The following KPNA4 variants were observed in gnomAD, a reference collection of about 807,000 sequenced individuals.
KPNA4 encodes the protein karyopherin subunit alpha 4.
In KPNA4, 13 loss-of-function variants were observed where a neutral mutation model predicts 71.3. The observed-to-expected ratio is 0.18, with a 90% confidence interval of 0.12 to 0.29. The LOEUF (loss-of-function observed/expected upper bound fraction) is 0.29. KPNA4 is among the 10% of genes least tolerant of loss of function. The probability of loss-of-function intolerance (pLI) is 1.00; values close to 1 mark genes in which losing one functional copy is unlikely to be tolerated. For missense variants in KPNA4, 334 were observed against 603.2 expected, an observed-to-expected ratio of 0.55 and a Z score of 4.67; for synonymous variants, 189 against 195.2, an observed-to-expected ratio of 0.97 and a Z score of 0.26.
At chr3:160,516,802 C>G (rs964021351) in intron 11 of KPNA4, among the ~76,000 whole-genome samples, 2 of 151,922 alleles carry the variant, frequency 1.3e-5, no homozygotes, top group Admixed American at 1.3e-4. Flanking sequence ...TAGTGCCTTT[C>G]TGAAGGAAAG....
intron 11 of KPNA4, among the ~76,000 whole-genome samples, chr3:160,517,334 A>G (rs1721250781): frequency 6.6e-6 from 1 of 152,098 alleles, no homozygotes. Flanking sequence ...TCACTGTGTG[A>G]ATGTATCATA....
At position 160,499,914 on chromosome 3, in the gene KPNA4, C is replaced by G. The variant is rs1381574095; in HGVS notation, c.*2190G>C. ...AAAATATAGTTCAAGTTGTCTCGGT[C>G]TGTTTTACTGGAGAATGAAGGAAAG... is the stretch of plus-strand genomic sequence containing the variant. On this transcript the variant is annotated 3_prime_UTR_variant, in exon 17 of 17. Transcript: ENST00000334256. The G allele has an allele frequency of 6.6e-6, 1 of 152,096 alleles. No homozygotes were observed. Among genetic ancestry groups the G allele is most frequent in the East Asian group, 1.9e-4 (1 of 5,194 alleles). 9.4% of individuals were successfully genotyped at this position (152,096 alleles called of 1,614,324 possible). A position where few individuals can be genotyped will look rare whatever the true frequency, so the allele number is the denominator to read the frequency against.
Position 160,529,872 on chromosome 3 carries a change from G to C in KPNA4, c.469+983C>G, listed in dbSNP as rs188660443. On this transcript the variant is annotated intron_variant, in intron 7 of 16. Transcript: ENST00000334256. ...TGGCCGGGCGTGGTGGCTCACACCT[G>C]TAATCCCAGCACTTTGGGAGGCCGA... Among the ~76,000 whole-genome samples, 35 of 152,020 alleles carry C rather than the reference G, an allele frequency of 2.3e-4. 1 individual carries two copies. The highest frequency in any genetic ancestry group is 8.0e-4 in the African/African-American group (33 of 41,486).
chr3:160,508,816 C>T (rs1351378710), intron 14 of KPNA4, among the ~76,000 whole-genome samples: 4 of 152,046 alleles, frequency 2.6e-5, no homozygotes, highest in Non-Finnish European at 4.4e-5. Flanking sequence ...CACTGCATCC[C>T]GCCTGGATAC....
At chr3:160,539,442 G>C (rs1482085519) in intron 1 of KPNA4, among the ~76,000 whole-genome samples, 5 of 152,138 alleles carry the variant, frequency 3.3e-5, no homozygotes, top group Non-Finnish European at 5.9e-5. Flanking sequence ...CTGAGGCTTA[G>C]AGAAGTTAGA....
intron 1 of KPNA4, among the ~76,000 whole-genome samples, chr3:160,557,959 G>A (rs189137061): frequency 2.2e-4 from 33 of 152,280 alleles, no homozygotes; most frequent in African/African-American, 7.9e-4. Context: ...TAGGATTACA[G>A]GCATGAGCCA....
intron 16 of KPNA4, among the ~76,000 whole-genome samples, chr3:160,502,656 C>G (rs1720906155): frequency 6.6e-6 from 1 of 152,042 alleles, no homozygotes; most frequent in African/African-American, 2.4e-5. Flanking sequence ...CAGGTGTGAG[C>G]CACAGTGCCT....
chr3:160,512,438 T>G (rs1187642751), intron 13 of KPNA4, among the ~76,000 whole-genome samples: 2 of 152,182 alleles, frequency 1.3e-5, no homozygotes, highest in Non-Finnish European at 2.9e-5. Context: ...AAAAATCTAC[T>G]CTGGTCTGCT....
At chr3:160,538,621 T>C (rs762894222) in intron 1 of KPNA4, among the ~76,000 whole-genome samples, 3 of 152,096 alleles carry the variant, frequency 2.0e-5, no homozygotes, top group African/African-American at 7.2e-5. Flanking sequence ...TCTCACACGC[T>C]CCACTTCGGA....
chr3:160,560,560 G>A (rs1722224066), intron 1 of KPNA4, among the ~76,000 whole-genome samples: 1 of 151,250 alleles, frequency 6.6e-6, no homozygotes, highest in African/African-American at 2.4e-5. Flanking sequence ...ACCACTATCA[G>A]GTATTAGAAA....
intron 1 of KPNA4, among the ~76,000 whole-genome samples, chr3:160,540,250 C>G (rs534443048): frequency 1.3e-5 from 2 of 152,000 alleles, no homozygotes; most frequent in Non-Finnish European, 2.9e-5. Context: ...CCACCCGCCT[C>G]GGCCTCCCAA....
intron 1 of KPNA4, among the ~76,000 whole-genome samples, chr3:160,539,643 C>G (rs1721756977): frequency 6.6e-6 from 1 of 152,166 alleles, no homozygotes; most frequent in African/African-American, 2.4e-5. Context: ...AATATGAAAT[C>G]AATAAGCAAT....
intron 5 of KPNA4, among the ~76,000 whole-genome samples, chr3:160,534,097 T>A (rs570584340): frequency 9.8e-5 from 15 of 152,376 alleles, no homozygotes; most frequent in African/African-American, 2.9e-4. Flanking sequence ...CTATCAGTTC[T>A]AAGTTATTTA....
chr3:160,546,297 C>A (rs780998739), intron 1 of KPNA4, among the ~76,000 whole-genome samples: 5 of 152,164 alleles, frequency 3.3e-5, no homozygotes, highest in Non-Finnish European at 7.4e-5. Flanking sequence ...GCGGGTGGAT[C>A]ACTTGAGGTC....
chr3:160,515,040 C>T lies in KPNA4; in HGVS notation c.1032+412G>A, dbSNP rs568799951. On this transcript the variant is annotated intron_variant, in intron 12 of 16. Transcript: ENST00000334256. ...ACAACCCATGTTATTTCTACAACAG[C>T]CTCAGATGCACTCCAATATCAGCAT... The T allele has an allele frequency of 1.5e-5, 8 of 519,212 alleles. No individual in the cohort carries two copies. The East Asian group carries it at 3.3e-4, about 21-fold the overall frequency. 32.2% of individuals were successfully genotyped at this position (519,212 alleles called of 1,614,324 possible). A position where few individuals can be genotyped will look rare whatever the true frequency, so the allele number is the denominator to read the frequency against.
chr3:160,554,268 T>C (rs1275814833), intron 1 of KPNA4, among the ~76,000 whole-genome samples: 1 of 152,226 alleles, frequency 6.6e-6, no homozygotes, highest in African/African-American at 2.4e-5. Flanking sequence ...TCAGTTATTT[T>C]AGTACATTCA....
At chr3:160,509,919 A>G in intron 13 of KPNA4, 48 bp from the exon 14 acceptor site, 1 of 1,188,320 alleles carries the variant, frequency 8.4e-7, no homozygotes, top group Non-Finnish European at 1.2e-6. Context: ...CATAGAGTAA[A>G]CTGGAAAAAA....
At chr3:160,564,324 C>A (rs1722297719) in intron 1 of KPNA4, 1 of 152,000 alleles carries the variant, frequency 6.6e-6, no homozygotes, top group Non-Finnish European at 1.5e-5. Flanking sequence ...GGTGCCATTC[C>A]CTAGCCCACC....
rs967544091 is a variant in KPNA4, at chr3:160,495,037, T to C, written c.*7067A>G. 1.1e-4 allele frequency: 17 copies of C among 152,206 alleles called. No homozygotes were observed. The highest frequency in any genetic ancestry group is 3.1e-4 in the African/African-American group (13 of 41,448). The allele number at this position is 152,206 out of a possible 1,614,324, so 9.4% of individuals were successfully genotyped here. A position where few individuals can be genotyped will look rare whatever the true frequency, so the allele number is the denominator to read the frequency against. ...ATCACAAGCATTTATTGAGTACCCATAGAACTCATGGTACCTTCACGGTGT... is the reference window on the plus strand; with the variant it reads ...ATCACAAGCATTTATTGAGTACCCACAGAACTCATGGTACCTTCACGGTGT... On this transcript the variant is annotated 3_prime_UTR_variant, in exon 17 of 17. Transcript: ENST00000334256.
Sources: allele counts gnomAD v4.1 joint callset (sites outside exome capture counted in the v4.1 genomes callset), GRCh38; gene constraint gnomAD v4.1.1; transcripts MANE v1.5; gene names NCBI Gene and HGNC (gene_info 2026-07-23, HGNC 2026-07-21).